ROBO2: variants seen among roughly 807,000 people sequenced by gnomAD.
The protein encoded by ROBO2 is roundabout homolog 2.
ROBO2 carries 53 observed loss-of-function variants against 160.8 expected under a neutral mutation model. The ratio of observed to expected loss-of-function variants is 0.33; its 90% CI spans 0.26 to 0.41. The LOEUF is 0.41. Ranked by LOEUF, ROBO2 falls within the 10% of genes least tolerant of loss-of-function variation. The probability of loss-of-function intolerance (pLI) is 1.00; values close to 1 mark genes in which losing one functional copy is unlikely to be tolerated. For synonymous variants in ROBO2, 664 were observed against 611.7 expected, an observed-to-expected ratio of 1.09 and a Z score of -1.26; for missense variants, 1,577 against 1,722.4, an observed-to-expected ratio of 0.92 and a Z score of 1.49.
chr3:77,010,565 T>G (rs2061824555), intron 2 of ROBO2, among the ~76,000 whole-genome samples: 1 of 152,098 alleles, frequency 6.6e-6, no homozygotes, highest in Admixed American at 6.6e-5. Context: ...TTCTCAGTCC[T>G]TTGTTTTCTT....
chr3:76,897,279 CA>C, intron 2 of ROBO2, among the ~76,000 whole-genome samples: 1 of 150,790 alleles, frequency 6.6e-6, no homozygotes, highest in South Asian at 2.1e-4. Flanking sequence ...CTGCTTTCAC[CA>C]AAAAAAAATG....
At chr3:76,397,043 T>G (rs2077498629) in intron 2 of ROBO2, among the ~76,000 whole-genome samples, 1 of 152,128 alleles carries the variant, frequency 6.6e-6, no homozygotes, top group Non-Finnish European at 1.5e-5. Context: ...AGAACAAAGC[T>G]GGAGGCATCA....
intron 1 of ROBO2, among the ~76,000 whole-genome samples, chr3:77,079,129 T>C (rs1308598351): frequency 6.6e-6 from 1 of 152,082 alleles, no homozygotes. Context: ...GTATTTTTAG[T>C]AGAGATGAAG....
intron 21 of ROBO2, among the ~76,000 whole-genome samples, chr3:77,608,907 A>G (rs1583256075): frequency 6.6e-6 from 1 of 151,366 alleles, no homozygotes; most frequent in East Asian, 2.0e-4. Flanking sequence ...AAAATCACAT[A>G]TACATGTTTA....
intron 2 of ROBO2, among the ~76,000 whole-genome samples, chr3:76,778,826 A>G (rs571281234): frequency 1.3e-5 from 2 of 151,232 alleles, no homozygotes; most frequent in East Asian, 3.9e-4. Context: ...AATGAACTTC[A>G]GTGGTAACTC....
At chr3:76,395,301 A>G (rs2077373778) in intron 2 of ROBO2, among the ~76,000 whole-genome samples, 1 of 150,402 alleles carries the variant, frequency 6.6e-6, no homozygotes, top group South Asian at 2.1e-4. Context: ...ACAACATACC[A>G]GAATCTCTGG....
intron 2 of ROBO2, among the ~76,000 whole-genome samples, chr3:76,506,410 T>A (rs565942209): frequency 6.6e-6 from 1 of 152,282 alleles, no homozygotes; most frequent in African/African-American, 2.4e-5. Flanking sequence ...CTAGATTACA[T>A]GTCATCCTTC....
chr3:76,355,693 A>C (rs915912234), intron 2 of ROBO2, among the ~76,000 whole-genome samples: 1 of 151,862 alleles, frequency 6.6e-6, no homozygotes, highest in Non-Finnish European at 1.5e-5. Flanking sequence ...TTCTTAAAAT[A>C]GATGACAGAT....
chr3:76,238,503 G>A (rs1576037858), intron 2 of ROBO2, among the ~76,000 whole-genome samples: 2 of 151,376 alleles, frequency 1.3e-5, no homozygotes, highest in South Asian at 4.2e-4. Context: ...TATGTGAGAA[G>A]AACATGGGGA....
intron 2 of ROBO2, among the ~76,000 whole-genome samples, chr3:77,199,800 TG>T (rs11331334): frequency 0.35 from 50,007 of 142,558 alleles, 9,722 homozygotes; most frequent in Middle Eastern, 0.55. Flanking sequence ...TTTTTTTTTT[TG>T]TTGTTTATAG....
chr3:77,634,393 A>G (rs1336692507), intron 23 of ROBO2: 1 of 179,232 alleles, frequency 5.6e-6, no homozygotes, highest in East Asian at 1.4e-4. Flanking sequence ...GTAAAATTTC[A>G]GATGTAATTA....
At chr3:76,602,156 G>A (rs1003714639) in intron 2 of ROBO2, among the ~76,000 whole-genome samples, 1 of 152,114 alleles carries the variant, frequency 6.6e-6, no homozygotes, top group Non-Finnish European at 1.5e-5. Context: ...CAGGCTTTTG[G>A]TCAAAGCCAT....
chr3:76,904,397 C>T (rs191232960), intron 2 of ROBO2, among the ~76,000 whole-genome samples: 159 of 151,632 alleles, frequency 1.0e-3, no homozygotes, highest in African/African-American at 3.7e-3. Flanking sequence ...ATAGCAGTTA[C>T]ATTTATTGCT....
intron 2 of ROBO2, among the ~76,000 whole-genome samples, chr3:76,006,795 A>AT (rs1196196957): frequency 2.6e-5 from 4 of 152,120 alleles, no homozygotes; most frequent in Admixed American, 1.3e-4. Flanking sequence ...TCTAAAATTT[A>AT]TTTTTTTGCT....
At chr3:76,822,126 A>G (rs1448194358) in intron 2 of ROBO2, among the ~76,000 whole-genome samples, 1 of 152,052 alleles carries the variant, frequency 6.6e-6, no homozygotes, top group African/African-American at 2.4e-5. Context: ...CTATTTACCA[A>G]TAAATTAGAA....
At chr3:77,317,110 G>T in intron 2 of ROBO2, 1 of 1,298,890 alleles carries the variant, frequency 7.7e-7, no homozygotes, top group Non-Finnish European at 1.1e-6. Context: ...GTTGCTCTGG[G>T]TCACTCAGGA....
chr3:76,381,011 ATT>A (rs1471712565), intron 2 of ROBO2, among the ~76,000 whole-genome samples: 1 of 150,352 alleles, frequency 6.7e-6, no homozygotes, highest in Non-Finnish European at 1.5e-5. Context: ...CTCTGAAAGC[ATT>A]TACAGCTTAC....
chr3:77,237,758 C>T (rs746352546), intron 2 of ROBO2, among the ~76,000 whole-genome samples: 4 of 152,122 alleles, frequency 2.6e-5, no homozygotes, highest in Admixed American at 6.5e-5. Flanking sequence ...AAATGCCAAA[C>T]AGTGGAATTT....
chr3:76,590,558 G>A (rs991815363), intron 2 of ROBO2, among the ~76,000 whole-genome samples: 4 of 152,136 alleles, frequency 2.6e-5, no homozygotes, highest in Non-Finnish European at 4.4e-5. Flanking sequence ...TTTTGAAGGT[G>A]GAAGTTTGTA....
Sources: allele counts gnomAD v4.1 joint callset (sites outside exome capture counted in the v4.1 genomes callset), GRCh38; gene constraint gnomAD v4.1.1; transcripts MANE v1.5; gene names NCBI Gene and HGNC (gene_info 2026-07-23, HGNC 2026-07-21).